SSUH2: variants seen among roughly 807,000 people sequenced by gnomAD.
SSUH2 encodes protein SSUH2 homolog.
A neutral mutation model predicts 55.3 loss-of-function variants in SSUH2; 47 were observed. That is an observed-to-expected ratio of 0.85 (90% CI 0.67 to 1.08). The LOEUF is 1.08. SSUH2 is among the 50% of genes least tolerant of loss of function. SSUH2 has a pLI of 0.00. For missense variants in SSUH2, 535 were observed against 490.7 expected (o/e 1.09, Z -0.85); for synonymous variants, 212 against 191.5 (o/e 1.11, Z -0.89).
chr3:8,654,527 A>G (rs1168638092), intron 7 of SSUH2, among the ~76,000 whole-genome samples: 1 of 152,264 alleles, frequency 6.6e-6, no homozygotes, highest in African/African-American at 2.4e-5. Flanking sequence ...GCTGTGGTTT[A>G]AAGATAGCCT....
rs566108637 is a variant in SSUH2 at position 8,641,168 on chromosome 3, C to A, written c.28+3563G>T. Among the ~76,000 whole-genome samples the A allele has an allele frequency of 1.2e-4, 18 of 152,328 alleles. No individual in the cohort carries two copies. The South Asian group carries it at 3.7e-3, about 32-fold the overall frequency. On this transcript the variant is annotated intron_variant, in intron 1 of 11. Transcript: ENST00000544814. The stretch of plus-strand genomic sequence containing the variant: ...CCTGAGTGCGGCTCCCTGTCCTGTG[C>A]CCCTTGGCACTCCACTCCACTTCTC...
intron 1 of SSUH2, among the ~76,000 whole-genome samples, chr3:8,637,474 G>A (rs1700114974): frequency 6.6e-6 from 1 of 152,108 alleles, no homozygotes; most frequent in African/African-American, 2.4e-5. Flanking sequence ...TCCCACCTGG[G>A]GGTGTGGAAG....
In SSUH2 at chr3:8,667,897, C is replaced by T. The variant is rs116119407; in HGVS notation, c.-455+3101G>A. Among the ~76,000 whole-genome samples, 1,292 of 152,212 alleles carry T rather than the reference C, an allele frequency of 8.5e-3. 23 individuals carry two copies. The highest frequency in any genetic ancestry group is 0.029 in the African/African-American group (1,218 of 41,514). On this transcript the variant is annotated intron_variant, in intron 5 of 18. Transcript: ENST00000317371. Reference sequence around the variant, plus strand: ...AAGTTAATATTTCACAATATCTCAGCGCATTACACCTGAGAATCCCTTAGT... The same window carrying T: ...AAGTTAATATTTCACAATATCTCAGTGCATTACACCTGAGAATCCCTTAGT...
At chr3:8,660,667 G>GC (rs1703387710) in intron 6 of SSUH2, among the ~76,000 whole-genome samples, 1 of 70,254 alleles carries the variant, frequency 1.4e-5, no homozygotes, top group Non-Finnish European at 2.9e-5. Context: ...GCCTGTTCTT[G>GC]TTTTTCTTTC....
At chr3:8,622,283 G>T (rs886263302) in intron 11 of SSUH2, among the ~76,000 whole-genome samples, 62 of 152,152 alleles carry the variant, frequency 4.1e-4, no homozygotes, top group African/African-American at 1.5e-3. Context: ...CCTTTTTAAA[G>T]AAAAATGTGT....
At position 8,619,813 on chromosome 3, in the gene SSUH2, C is replaced by T. The variant is rs540556446; in HGVS notation, c.*55G>A. On this transcript the variant is annotated 3_prime_UTR_variant, in exon 12 of 12. Transcript: ENST00000544814. The stretch of plus-strand genomic sequence containing the variant: ...AACAGTGAACACACTCAGAGAGTGT[C>T]GGCCATCTTCCTTGGCAAACGTGAA... The T allele has an allele frequency of 5.0e-6, 8 of 1,587,012 alleles. No homozygotes were observed. Among genetic ancestry groups the T allele is most frequent in the African/African-American group, 4.0e-5 (3 of 74,642 alleles).
intron 1 of SSUH2, among the ~76,000 whole-genome samples, chr3:8,681,154 C>T (rs530611094): frequency 3.8e-4 from 53 of 139,444 alleles, no homozygotes; most frequent in African/African-American, 1.3e-3. Context: ...CTTAGGACTT[C>T]CATAGCAGGG....
chr3:8,628,897 C>A (rs1698153862), intron 7 of SSUH2, among the ~76,000 whole-genome samples: 1 of 152,202 alleles, frequency 6.6e-6, no homozygotes, highest in African/African-American at 2.4e-5. Flanking sequence ...GCTCTGTCGC[C>A]CAGGCGGGAG....
chr3:8,635,690 C>G, intron 2 of SSUH2, 69 bp downstream of exon 2: 1 of 1,386,514 alleles, frequency 7.2e-7, no homozygotes, highest in East Asian at 2.5e-5. Flanking sequence ...ACCTTTTTCC[C>G]GAGACATCCC....
intron 6 of SSUH2, among the ~76,000 whole-genome samples, chr3:8,659,185 G>A (rs1351305825): frequency 1.3e-5 from 2 of 152,136 alleles, no homozygotes; most frequent in Admixed American, 6.5e-5. Context: ...ATGTTTCATT[G>A]TCTTTCTTTG....
rs1444771929 is a variant in SSUH2, at chr3:8,678,807, GA to G, written c.-901+897del. On this transcript the variant is annotated intron_variant, in intron 2 of 18. Transcript: ENST00000317371. ...CTGCCACTTAGGACCCCATCGCAGG[GA>G]GAGGAGGCGGCACTCCCCACGAGGC... Among the ~76,000 whole-genome samples the G allele has an allele frequency of 3.6e-5, 4 of 110,802 alleles. 2 individuals are homozygous for G. Among genetic ancestry groups the G allele is most frequent in the African/African-American group, 6.2e-5 (2 of 32,220 alleles). 72.7% of individuals were successfully genotyped at this position (110,802 alleles called of 152,430 possible). A position where few individuals can be genotyped will look rare whatever the true frequency, so the allele number is the denominator to read the frequency against.
At position 8,635,244 on chromosome 3, in the gene SSUH2, G is replaced by A. The variant is rs1575150537; in HGVS notation, c.209+56C>T. ...GCACTGCCAGGGCTGAGATCCTCAA[G>A]GGGCAATAGTGACATAGGAAATGCA... On this transcript the variant is annotated intron_variant, in intron 3 of 11. Coordinates refer to ENST00000544814, the MANE Select transcript of SSUH2 (RefSeq NM_001256748.3). The A allele has an allele frequency of 9.1e-6, 13 of 1,425,622 alleles. No homozygotes were observed. In the East Asian group the frequency reaches 3.0e-4, roughly 33 times the overall value. The allele number at this position is 1,425,622 out of a possible 1,614,324, so 88.3% of individuals were successfully genotyped here. A position where few individuals can be genotyped will look rare whatever the true frequency, so the allele number is the denominator to read the frequency against.
At chr3:8,644,605 G>A (rs912166383) in intron 1 of SSUH2, 126 bp downstream of exon 1, 3 of 858,342 alleles carry the variant, frequency 3.5e-6, no homozygotes, top group Non-Finnish European at 5.6e-6. Context: ...GCTAGCTACA[G>A]AGCTTATTAG....
In SSUH2 at chr3:8,679,349, C is replaced by CGGA. The variant is rs1559572706; in HGVS notation, c.-901+355_-901+356insTCC. The stretch of plus-strand genomic sequence containing the variant: ...GCCCCTCTTCCCGCCCCTTGCTCTT[C>CGGA]CGACCCCCATCGCATTGGCGGGAGG... On this transcript the variant is annotated intron_variant, in intron 2 of 18. Transcript: ENST00000317371. Among the ~76,000 whole-genome samples, 7 of 33,014 alleles carry CGGA rather than the reference C, an allele frequency of 2.1e-4. 2 individuals carry two copies. The highest frequency in any genetic ancestry group is 3.6e-3 in the South Asian group (2 of 554). The allele number at this position is 33,014 out of a possible 152,430, so 21.7% of individuals were successfully genotyped here.
chr3:8,679,362 C>G lies in SSUH2; in HGVS notation c.-901+343G>C, dbSNP rs1366489922. 2.0e-4 allele frequency among the ~76,000 whole-genome samples: 18 copies of G among 88,478 alleles called. 3 individuals carry two copies. The highest frequency in any genetic ancestry group is 9.5e-4 in the East Asian group (2 of 2,098). The allele number at this position is 88,478 out of a possible 152,430, so 58.0% of individuals were successfully genotyped here. A position where few individuals can be genotyped will look rare whatever the true frequency, so the allele number is the denominator to read the frequency against. On this transcript the variant is annotated intron_variant, in intron 2 of 18. Coordinates refer to the SSUH2 transcript ENST00000317371. Reference sequence around the variant, plus strand: ...CCCCTTGCTCTTCCGACCCCCATCGCATTGGCGGGAGGCATCCCCCAGGAG... The same window carrying G: ...CCCCTTGCTCTTCCGACCCCCATCGGATTGGCGGGAGGCATCCCCCAGGAG...
At chr3:8,644,142 G>A (rs748478879) in intron 1 of SSUH2, among the ~76,000 whole-genome samples, 30 of 152,184 alleles carry the variant, frequency 2.0e-4, no homozygotes, top group Admixed American at 5.2e-4. Flanking sequence ...TTTCTGTCCC[G>A]GTAGTGACAG....
chr3:8,644,921 C>T (rs1007652434), upstream of SSUH2: 6 of 677,994 alleles, frequency 8.8e-6, no homozygotes, highest in African/African-American at 1.1e-4. Flanking sequence ...AGCAGCTGCT[C>T]TGCACCCAAT....
exon 2 of SSUH2, chr3:8,679,727 T>G (rs1339253232): frequency 1.1e-5 from 2 of 183,940 alleles, no homozygotes; most frequent in Non-Finnish European, 2.0e-5. Flanking sequence ...GGGTATTAGG[T>G]GTCTAAGAAG....
At chr3:8,644,596 C>A (rs1159569281) in intron 1 of SSUH2, 135 bp downstream of exon 1, 2 of 811,094 alleles carry the variant, frequency 2.5e-6, no homozygotes, top group Admixed American at 2.0e-5. Flanking sequence ...TCACACAGTG[C>A]TAGCTACAGA....
Sources: gnomAD v4.1 joint callset for allele counts (sites outside exome capture counted in the v4.1 genomes callset) on GRCh38, gnomAD v4.1.1 for gene constraint, MANE v1.5 for transcripts, NCBI Gene and HGNC (gene_info 2026-07-23, HGNC 2026-07-21) for gene names.